SNX14: variants seen among roughly 807,000 people sequenced by gnomAD.
SNX14 encodes the protein sorting nexin-14.
SNX14 carries 93 observed loss-of-function variants against 133.8 expected under a neutral mutation model. The observed-to-expected ratio is 0.70, with a 90% confidence interval of 0.59 to 0.83. The LOEUF is 0.83. Ranked by LOEUF, SNX14 falls within the 40% of genes least tolerant of loss-of-function variation. The pLI is 0.00. For synonymous variants in SNX14, 368 were observed against 365.6 expected (o/e 1.01, Z -0.07); for missense variants, 945 against 1,094.9 (o/e 0.86, Z 1.93).
chr6:85,519,651 C>A (rs4707209), intron 21 of SNX14, among the ~76,000 whole-genome samples: 113,053 of 152,010 alleles, frequency 0.74, 43,498 homozygotes, highest in African/African-American at 0.94. Flanking sequence ...CGGGCGGATC[C>A]CGAGGTCAGG....
Position 85,543,601 on chromosome 6 carries a change from T to A in SNX14, c.1264+4A>T. Reference sequence around the variant, plus strand: ...ATAAGTCATTCTTATCGTCTTTGACTTACTTCTTTGAATCTCTTCTACAAT... The same window carrying A: ...ATAAGTCATTCTTATCGTCTTTGACATACTTCTTTGAATCTCTTCTACAAT... On this transcript the variant is annotated splice_donor_region_variant and intron_variant, in intron 13 of 28. Coordinates refer to ENST00000314673, the MANE Select transcript of SNX14 (RefSeq NM_153816.6). The A allele has an allele frequency of 6.4e-7, 1 of 1,566,754 alleles. No homozygotes were observed. Among genetic ancestry groups the A allele is most frequent in the Non-Finnish European group, 8.7e-7 (1 of 1,153,436 alleles).
intron 7 of SNX14, among the ~76,000 whole-genome samples, chr6:85,556,764 T>G (rs7744309): frequency 0.12 from 18,071 of 152,100 alleles, 1,653 homozygotes; most frequent in African/African-American, 0.26. Context: ...CAACCTTTTT[T>G]TAAACTATGT....
chr6:85,545,965 G>A (rs1174565055), intron 12 of SNX14, among the ~76,000 whole-genome samples: 2 of 152,240 alleles, frequency 1.3e-5, no homozygotes, highest in African/African-American at 4.8e-5. Context: ...TTGTAAGCAT[G>A]AGCCACTGCG....
At chr6:85,550,583 C>T (rs1292614613) in intron 7 of SNX14, among the ~76,000 whole-genome samples, 2 of 152,094 alleles carry the variant, frequency 1.3e-5, no homozygotes, top group Non-Finnish European at 2.9e-5. Context: ...ACTGTAGCCT[C>T]GACCTCCTTG....
intron 16 of SNX14, among the ~76,000 whole-genome samples, chr6:85,538,432 C>G (rs138838655): frequency 1.3e-5 from 2 of 152,082 alleles, no homozygotes; most frequent in African/African-American, 4.8e-5. Context: ...TTGTTGAAAT[C>G]TAAAAACTCT....
chr6:85,513,836 T>C lies in SNX14; in HGVS notation c.2617A>G (p.Lys873Glu), dbSNP rs765320143. The change falls in exon 26 of 29, where the codon AAA (lysine) becomes GAA (glutamate). Residue 873 changes from lysine to glutamate, a missense_variant. Coordinates refer to ENST00000314673, the MANE Select transcript of SNX14 (RefSeq NM_153816.6). ...TTCATCATTTCTTCAAAAGTCTGTT[T>C]TGCTCCTTTTTGCTTATCTTGGAGA... The part of the protein sequence containing the change: ...RSLQDKQKGA[K>E]QTFEEMMNYI... 16 of 1,613,136 alleles carry C rather than the reference T, an allele frequency of 9.9e-6. No individual in the cohort carries two copies. In the South Asian group the frequency reaches 1.6e-4, roughly 17 times the overall value.
intron 26 of SNX14, among the ~76,000 whole-genome samples, chr6:85,511,241 A>G (rs1772709123): frequency 6.6e-6 from 1 of 152,228 alleles, no homozygotes; most frequent in Admixed American, 6.5e-5. Flanking sequence ...CACGAAAAGT[A>G]ACTGAATTTT....
At chr6:85,514,962 CTT>C (rs1019882683) in intron 23 of SNX14, among the ~76,000 whole-genome samples, 4 of 152,020 alleles carry the variant, frequency 2.6e-5, no homozygotes, top group African/African-American at 9.7e-5. Context: ...TGATAGCTAA[CTT>C]TAAAACTAAC....
chr6:85,517,961 T>A (rs371281917), intron 22 of SNX14, 47 bp downstream of exon 22: 1 of 1,577,372 alleles, frequency 6.3e-7, no homozygotes, highest in East Asian at 2.3e-5. Context: ...TATTTAAATA[T>A]GTTTATGATT....
chr6:85,575,351 T>G (rs948321566), intron 1 of SNX14, among the ~76,000 whole-genome samples: 1 of 152,206 alleles, frequency 6.6e-6, no homozygotes, highest in African/African-American at 2.4e-5. Context: ...GTACAAACTC[T>G]GCTAACTCAT....
At chr6:85,565,733 A>G (rs1362268846) in intron 5 of SNX14, among the ~76,000 whole-genome samples, 1 of 152,212 alleles carries the variant, frequency 6.6e-6, no homozygotes, top group Non-Finnish European at 1.5e-5. Flanking sequence ...AAGTTCAAAG[A>G]AATAAAACAA....
At position 85,514,490 on chromosome 6, in the gene SNX14, A is replaced by G; in HGVS notation, c.2392+16T>C. ...AAGATGAATGAAAAACAAGTCTTAA[A>G]CCACTTAGATCTTACCTACATACAT... is the stretch of plus-strand genomic sequence containing the variant. On this transcript the variant is annotated intron_variant, in intron 24 of 28. Transcript: ENST00000314673. The G allele has an allele frequency of 6.2e-7, 1 of 1,609,680 alleles. No homozygotes were observed. The highest frequency in any genetic ancestry group is 8.5e-7 in the Non-Finnish European group (1 of 1,178,318).
At chr6:85,536,121 T>C (rs2128027393) in intron 17 of SNX14, among the ~76,000 whole-genome samples, 1 of 152,194 alleles carries the variant, frequency 6.6e-6, no homozygotes, top group East Asian at 1.9e-4. Context: ...AAGGAGGAAA[T>C]GTTCAGTTCA....
At chr6:85,541,070 T>C (rs150979938) in intron 15 of SNX14, among the ~76,000 whole-genome samples, 2,474 of 152,070 alleles carry the variant, frequency 0.016, 29 homozygotes, top group Middle Eastern at 0.027. Context: ...CTTGGCTCAT[T>C]GCAACCTCCA....
intron 23 of SNX14, among the ~76,000 whole-genome samples, chr6:85,515,968 C>A (rs1413694392): frequency 2.0e-5 from 3 of 152,066 alleles, no homozygotes. Context: ...AATAAAGTGA[C>A]ACAGAGCAAA....
intron 20 of SNX14, among the ~76,000 whole-genome samples, chr6:85,526,536 C>T (rs1398299382): frequency 1.3e-5 from 2 of 152,108 alleles, no homozygotes; most frequent in Admixed American, 1.3e-4. Flanking sequence ...AATAATGACA[C>T]TACCTATAGT....
At position 85,572,315 on chromosome 6, in the gene SNX14, C is replaced by T; in HGVS notation, c.321G>A (p.Val107=). The change falls in exon 3 of 29, where the codon GTG becomes GTA. Residue 107 remains valine, a synonymous_variant. Coordinates refer to ENST00000314673, the MANE Select transcript of SNX14 (RefSeq NM_153816.6). ...QGHSCAVCGK[V]KCKRHRPSLL... ...TAACTTACCTATGTCGTTTACATTT[C>T]ACTTTACCACAAACAGCACAGCTAT... The T allele has an allele frequency of 6.2e-7, 1 of 1,613,458 alleles. No homozygotes were observed. Among genetic ancestry groups the T allele is most frequent in the Non-Finnish European group, 8.5e-7 (1 of 1,179,730 alleles).
At chr6:85,559,065 A>T (rs906821201) in intron 6 of SNX14, among the ~76,000 whole-genome samples, 2 of 152,188 alleles carry the variant, frequency 1.3e-5, no homozygotes, top group Admixed American at 6.5e-5. Flanking sequence ...GCATGAGAAA[A>T]TTCCATCACA....
intron 15 of SNX14, among the ~76,000 whole-genome samples, chr6:85,539,788 C>G (rs994754304): frequency 6.6e-6 from 1 of 151,738 alleles, no homozygotes; most frequent in Non-Finnish European, 1.5e-5. Flanking sequence ...ATGAAAAGAA[C>G]CCATATAACC....
Sources: gnomAD v4.1 joint callset for allele counts (sites outside exome capture counted in the v4.1 genomes callset) on GRCh38, gnomAD v4.1.1 for gene constraint, MANE v1.5 for transcripts, NCBI Gene and HGNC (gene_info 2026-07-23, HGNC 2026-07-21) for gene names.